Variants in KIAA1671 observed in about 807,000 individuals in gnomAD.
KIAA1671 encodes the protein KIAA1671, also known as uncharacterized protein KIAA1671.
A neutral mutation model predicts 131.2 loss-of-function variants in KIAA1671; 52 were observed. The ratio of observed to expected loss-of-function variants is 0.40; its 90% CI spans 0.32 to 0.50. The LOEUF is 0.50. KIAA1671 is among the 20% of genes least tolerant of loss of function. KIAA1671 has a pLI of 0.73. For missense variants in KIAA1671, 2,360 were observed against 2,364.2 expected (o/e 1.00, Z 0.04); for synonymous variants, 1,003 against 961.6 (o/e 1.04, Z -0.80).
At chr22:25,074,534 GGCATATATATATGTATATGT>G in intron 6 of KIAA1671, among the ~76,000 whole-genome samples, 1 of 137,750 alleles carries the variant, frequency 7.3e-6, no homozygotes, top group East Asian at 2.0e-4. Flanking sequence ...AAGAAATTGA[GGCATATATATATGTATATGT>G]GTATATATAT....
At chr22:24,990,110 GAC>G (rs1427825498) in intron 1 of KIAA1671, among the ~76,000 whole-genome samples, 1 of 151,888 alleles carries the variant, frequency 6.6e-6, no homozygotes, top group Non-Finnish European at 1.5e-5. Context: ...TATTTTTTTA[GAC>G]AGAGTCTTGC....
In KIAA1671 at chr22:25,184,960, C is replaced by T. The variant is rs1299484209; in HGVS notation, c.5200-17C>T. 6.4e-7 allele frequency: 1 copy of T among 1,550,952 alleles called. No homozygotes were observed. Among genetic ancestry groups the T allele is most frequent in the Non-Finnish European group, 8.7e-7 (1 of 1,147,034 alleles). On this transcript the variant is annotated splice_polypyrimidine_tract_variant and intron_variant, in intron 10 of 12. Coordinates refer to ENST00000358431, the MANE Select transcript of KIAA1671 (RefSeq NM_001145206.2). ...GACAAAGGGCAGCTTATAGACTCAG[C>T]TCTCTTTTCTCCCCAGGCTCAGCTG...
intron 6 of KIAA1671, among the ~76,000 whole-genome samples, chr22:25,068,191 GCCAGCC>G (rs1928589514): frequency 6.8e-6 from 1 of 148,032 alleles, no homozygotes; most frequent in Non-Finnish European, 1.5e-5. Context: ...AGGGAGCAGG[GCCAGCC>G]TTCCGACTGT....
At chr22:25,124,995 G>A (rs1932111192) in intron 6 of KIAA1671, among the ~76,000 whole-genome samples, 1 of 152,192 alleles carries the variant, frequency 6.6e-6, no homozygotes, top group South Asian at 2.1e-4. Flanking sequence ...CTGGGCTCCA[G>A]CAGTCCTCCT....
intron 6 of KIAA1671, among the ~76,000 whole-genome samples, chr22:25,167,772 G>T (rs373753049): frequency 6.6e-6 from 1 of 152,116 alleles, no homozygotes; most frequent in East Asian, 1.9e-4. Flanking sequence ...CTGAATTCCC[G>T]TCCTTGTATA....
At chr22:25,132,440 A>T (rs1242523371) in intron 6 of KIAA1671, among the ~76,000 whole-genome samples, 3 of 152,136 alleles carry the variant, frequency 2.0e-5, no homozygotes, top group African/African-American at 7.2e-5. Context: ...AAAACCCCAG[A>T]TCAAATCCCA....
chr22:25,079,077 C>CA (rs2145861323), intron 6 of KIAA1671, among the ~76,000 whole-genome samples: 1 of 152,300 alleles, frequency 6.6e-6, no homozygotes, highest in Non-Finnish European at 1.5e-5. Flanking sequence ...CAAAGCCAGG[C>CA]ATACAGTAGG....
At chr22:25,191,809 C>G (rs1364308690) in intron 12 of KIAA1671, among the ~76,000 whole-genome samples, 1 of 152,176 alleles carries the variant, frequency 6.6e-6, no homozygotes, top group Non-Finnish European at 1.5e-5. Context: ...CCAGAAAGCC[C>G]TGCAAAACAA....
chr22:25,149,055 C>CTT (rs368094370), intron 6 of KIAA1671, among the ~76,000 whole-genome samples: 231 of 152,098 alleles, frequency 1.5e-3, no homozygotes, highest in Non-Finnish European at 2.2e-3. Context: ...GATTCTGACT[C>CTT]TTACGAGCAC....
chr22:25,092,826 G>A (rs1404007345), intron 6 of KIAA1671, among the ~76,000 whole-genome samples: 1 of 152,136 alleles, frequency 6.6e-6, no homozygotes, highest in Non-Finnish European at 1.5e-5. Flanking sequence ...AGATGCAGGG[G>A]AGCTGTTGCG....
intron 6 of KIAA1671, among the ~76,000 whole-genome samples, chr22:25,085,506 A>C (rs1275349120): frequency 7.8e-4 from 100 of 127,694 alleles, no homozygotes; most frequent in Non-Finnish European, 1.2e-3. Flanking sequence ...AGGGGCCCCC[A>C]CCTCCCCCCC....
chr22:24,961,259 T>G (rs1922002689), intron 1 of KIAA1671, among the ~76,000 whole-genome samples: 1 of 152,182 alleles, frequency 6.6e-6, no homozygotes, highest in South Asian at 2.1e-4. Context: ...CCTCCCAAAG[T>G]GGTAGGATTG....
intron 6 of KIAA1671, among the ~76,000 whole-genome samples, chr22:25,077,664 ATCCTCCTGCAGGGTCCGTGT>A (rs576080396): frequency 9.9e-5 from 15 of 152,074 alleles, no homozygotes; most frequent in Non-Finnish European, 2.2e-4. Context: ...CCCTTTTAAG[ATCCTCCTGCAGGGTCCGTGT>A]TCCATGCCTT....
chr22:25,005,346 TAAAA>T (rs569086369), intron 1 of KIAA1671, among the ~76,000 whole-genome samples: 1 of 111,502 alleles, frequency 9.0e-6, no homozygotes. Context: ...AGACTCCATC[TAAAA>T]AAAAAAAAAA....
chr22:25,002,206 G>C (rs1924516265), intron 1 of KIAA1671, among the ~76,000 whole-genome samples: 1 of 152,154 alleles, frequency 6.6e-6, no homozygotes, highest in Non-Finnish European at 1.5e-5. Context: ...CCACTTTGGA[G>C]TTTTTGCTCC....
chr22:25,037,001 T>G, intron 4 of KIAA1671, among the ~76,000 whole-genome samples: 1 of 152,196 alleles, frequency 6.6e-6, no homozygotes. Context: ...AATGGATTCA[T>G]GTATTGTTTA....
At chr22:25,165,757 C>G (rs1320079478) in intron 6 of KIAA1671, among the ~76,000 whole-genome samples, 1 of 152,134 alleles carries the variant, frequency 6.6e-6, no homozygotes, top group Non-Finnish European at 1.5e-5. Context: ...GGAAGGCTTC[C>G]TGGCCATCAA....
chr22:25,147,260 T>C (rs1352457635), intron 6 of KIAA1671, among the ~76,000 whole-genome samples: 1 of 152,024 alleles, frequency 6.6e-6, no homozygotes, highest in Admixed American at 6.6e-5. Context: ...TGGTGCAGTC[T>C]TGGCTCACTG....
At position 25,146,238 on chromosome 22, in the gene KIAA1671, A is replaced by G. The variant is rs540671487; in HGVS notation, c.4531-24582A>G. 3.2e-4 allele frequency among the ~76,000 whole-genome samples: 49 copies of G among 152,322 alleles called. 1 individual carries two copies. Among genetic ancestry groups the G allele is most frequent in the African/African-American group, 1.2e-3 (48 of 41,566 alleles). ...GGTTTATCGAGTTGCCCAAAGTCAC[A>G]CGGCTGGTGGGCAGCAGAACCAAGA... On this transcript the variant is annotated intron_variant, in intron 6 of 12. Transcript: ENST00000358431.
Sources: gnomAD v4.1 joint callset for allele counts (sites outside exome capture counted in the v4.1 genomes callset) on GRCh38, gnomAD v4.1.1 for gene constraint, MANE v1.5 for transcripts, NCBI Gene and HGNC (gene_info 2026-07-23, HGNC 2026-07-21) for gene names.